Variants in IQSEC3 observed in about 807,000 individuals in gnomAD.
IQSEC3 encodes the protein IQ motif and Sec7 domain ArfGEF 3.
A neutral mutation model predicts 105.4 loss-of-function variants in IQSEC3; 50 were observed. The ratio of observed to expected loss-of-function variants is 0.47; its 90% confidence interval spans 0.38 to 0.60. The LOEUF (loss-of-function observed/expected upper bound fraction) is 0.60. Among genes scored for constraint, IQSEC3 ranks in the 20% least tolerant of loss-of-function variants. The pLI, the probability that IQSEC3 is intolerant of heterozygous loss-of-function variation, is 0.00. For missense variants in IQSEC3, 1,415 were observed against 1,630.0 expected, an observed-to-expected ratio of 0.87 and a Z score of 2.27; for synonymous variants, 708 against 746.0, an observed-to-expected ratio of 0.95 and a Z score of 0.83.
chr12:157,627 C>T lies in IQSEC3; in HGVS notation c.2376C>T (p.Asp792=), dbSNP rs551375240. 211 of 1,614,228 alleles carry T rather than the reference C, an allele frequency of 1.3e-4. 1 individual carries two copies. The South Asian group carries it at 2.2e-3, about 17-fold the overall frequency. The part of the protein sequence containing the change: ...LAFAIILLNT[D]MYSPNIKPDR... ...TCGCCATCATCCTCCTCAACACCGACATGTACAGCCCCAACATCAAGCCTG... is the reference window on the plus strand; with the variant it reads ...TCGCCATCATCCTCCTCAACACCGATATGTACAGCCCCAACATCAAGCCTG... Residue 792 remains aspartate (D), a synonymous_variant, in exon 7 of 14, where the codon GAC becomes GAT. Coordinates refer to ENST00000538872, the MANE Select transcript of IQSEC3 (RefSeq NM_001170738.2).
chr12:107,813 T>A (rs1864730313), intron 2 of IQSEC3, among the ~76,000 whole-genome samples: 1 of 150,620 alleles, frequency 6.6e-6, no homozygotes, highest in African/African-American at 2.5e-5. Flanking sequence ...CCCGTAATTC[T>A]TGAGTATTGC....
chr12:143,867 G>GTGT (rs10677233), intron 5 of IQSEC3: 4 of 150,804 alleles, frequency 2.7e-5, no homozygotes, highest in African/African-American at 1.1e-4. Context: ...GTGTGTGTGT[G>GTGT]AAGAGGCATG....
At chr12:90,162 T>C (rs1864037732) in intron 1 of IQSEC3, among the ~76,000 whole-genome samples, 1 of 152,260 alleles carries the variant, frequency 6.6e-6, no homozygotes, top group African/African-American at 2.4e-5. Flanking sequence ...AATTCCCTAA[T>C]GACTAGTGAT....
At chr12:163,116 C>CA (rs1236180979) in intron 8 of IQSEC3, among the ~76,000 whole-genome samples, 1 of 151,814 alleles carries the variant, frequency 6.6e-6, no homozygotes, top group African/African-American at 2.4e-5. Context: ...GAGTCAAGTC[C>CA]AGGCCCCAGG....
Position 125,648 on chromosome 12 carries a change from C to G in IQSEC3, c.639C>G (p.Thr213=), listed in dbSNP as rs1555083025. ...CTGTTCACAGTGATGGCTCCTGCACCCAGGCCGGTGGGGGCATGGAGGACT... is the reference window on the plus strand; with the variant it reads ...CTGTTCACAGTGATGGCTCCTGCACGCAGGCCGGTGGGGGCATGGAGGACT... ...DLASQSDGSC[T]QAGGGMEDSV... Residue 213 remains threonine, a synonymous_variant, in exon 3 of 14, where the codon ACC becomes ACG. Coordinates refer to ENST00000538872, the MANE Select transcript of IQSEC3 (RefSeq NM_001170738.2). 6.6e-7 allele frequency: 1 copy of G among 1,521,758 alleles called. No individual in the cohort carries two copies. Among genetic ancestry groups the G allele is most frequent in the Non-Finnish European group, 8.7e-7 (1 of 1,146,786 alleles). The allele number at this position is 1,521,758 out of a possible 1,614,324, so 94.3% of individuals were successfully genotyped here.
intron 11 of IQSEC3, among the ~76,000 whole-genome samples, chr12:168,604 G>A (rs879959939): frequency 3.3e-5 from 5 of 152,202 alleles, no homozygotes; most frequent in Admixed American, 3.3e-4. Flanking sequence ...TGTGCTTTAT[G>A]TGTATCTCCC....
chr12:85,370 T>C (rs1555071780), intron 1 of IQSEC3, among the ~76,000 whole-genome samples: 1 of 152,200 alleles, frequency 6.6e-6, no homozygotes, highest in Non-Finnish European at 1.5e-5. Flanking sequence ...CAGAGATCTC[T>C]TGTGAGGGAA....
In IQSEC3 at chr12:175,140, TCAC is replaced by T. The variant is rs1042102399; in HGVS notation, c.*110_*112del. 1.1e-6 allele frequency: 1 copy of T among 884,324 alleles called. No homozygotes were observed. The highest frequency in any genetic ancestry group is 1.7e-5 in the African/African-American group (1 of 59,016). 54.8% of individuals were successfully genotyped at this position (884,324 alleles called of 1,614,324 possible). A position where few individuals can be genotyped will look rare whatever the true frequency, so the allele number is the denominator to read the frequency against. On this transcript the variant is annotated 3_prime_UTR_variant, in exon 14 of 14. Coordinates refer to ENST00000538872, the MANE Select transcript of IQSEC3 (RefSeq NM_001170738.2). ...GGCACGATGCGTTCCTGGTCACTGATCACCATCATTTTGGGAAGAGAATCCCAA... is the reference window on the plus strand; with the variant it reads ...GGCACGATGCGTTCCTGGTCACTGATCATCATTTTGGGAAGAGAATCCCAA...
intron 10 of IQSEC3, 52 bp from the exon 11 acceptor site, chr12:165,677 C>T (rs550725042): frequency 1.2e-6 from 2 of 1,604,054 alleles, no homozygotes; most frequent in African/African-American, 1.3e-5. Context: ...TGGCTCTGGC[C>T]CTCGGCTGCT....
chr12:114,220 A>G (rs1360765905), intron 2 of IQSEC3, among the ~76,000 whole-genome samples: 1 of 152,216 alleles, frequency 6.6e-6, no homozygotes, highest in Non-Finnish European at 1.5e-5. Context: ...AAGGTCTAGA[A>G]ATTCAGATAT....
At chr12:134,495 T>C (rs1555085785) in intron 3 of IQSEC3, among the ~76,000 whole-genome samples, 1 of 152,262 alleles carries the variant, frequency 6.6e-6, no homozygotes, top group Non-Finnish European at 1.5e-5. Flanking sequence ...TCTCAAGCAA[T>C]GGATTTCATA....
Position 125,735 on chromosome 12 carries a change from A to C in IQSEC3, c.726A>C (p.Gln242His). Residue 242 changes from glutamine (Q) to histidine (H), a missense_variant, in exon 3 of 14, where the codon CAA (glutamine) becomes CAC (histidine). By Grantham distance (24) the Gln-to-His change is conservative. Transcript: ENST00000538872. Reference sequence around the variant, plus strand: ...CCAGTGCCCATGCCCCGAAGGCTCAAGCCCAGGAGCTGCAGGAGGAGGAGG... The same window carrying C: ...CCAGTGCCCATGCCCCGAAGGCTCACGCCCAGGAGCTGCAGGAGGAGGAGG... ...GRPSAHAPKAQAQELQEEEER... is the reference protein window; with the variant it reads ...GRPSAHAPKAHAQELQEEEER... 3 of 1,524,530 alleles carry C rather than the reference A, an allele frequency of 2.0e-6. No homozygotes were observed. The highest frequency in any genetic ancestry group is 2.6e-6 in the Non-Finnish European group (3 of 1,144,992). The allele number at this position is 1,524,530 out of a possible 1,614,324, so 94.4% of individuals were successfully genotyped here.
At chr12:114,670 A>G (rs186103523) in intron 2 of IQSEC3, among the ~76,000 whole-genome samples, 6 of 152,386 alleles carry the variant, frequency 3.9e-5, no homozygotes, top group Non-Finnish European at 5.9e-5. Flanking sequence ...ACAGGCTGCC[A>G]CAGTGAAGAC....
intron 2 of IQSEC3, among the ~76,000 whole-genome samples, chr12:120,306 A>T (rs1416291639): frequency 3.9e-5 from 6 of 152,198 alleles, no homozygotes; most frequent in African/African-American, 1.4e-4. Flanking sequence ...GAAGGAAATC[A>T]TAAAGCGGGA....
At chr12:82,490 G>C (rs1361808632) in intron 1 of IQSEC3, among the ~76,000 whole-genome samples, 1 of 152,190 alleles carries the variant, frequency 6.6e-6, no homozygotes, top group African/African-American at 2.4e-5. Flanking sequence ...CTTTAAGATG[G>C]GAGAAGTCAT....
chr12:151,992 C>T (rs137878682), intron 5 of IQSEC3, among the ~76,000 whole-genome samples: 2 of 152,150 alleles, frequency 1.3e-5, no homozygotes, highest in African/African-American at 2.4e-5. Flanking sequence ...CTACATAGAA[C>T]TCATCATGAC....
At position 153,871 on chromosome 12, in the gene IQSEC3, A is replaced by G. The variant is rs185956246; in HGVS notation, c.2154-3154A>G. 1.8e-4 allele frequency among the ~76,000 whole-genome samples: 28 copies of G among 152,292 alleles called. No individual in the cohort carries two copies. The East Asian group carries it at 5.2e-3, about 28-fold the overall frequency. On this transcript the variant is annotated intron_variant, in intron 5 of 13. Coordinates refer to ENST00000538872, the MANE Select transcript of IQSEC3 (RefSeq NM_001170738.2). ...ACTCAGCTCAGTCTTTGGTTTCACAATTTAGGAACAACCGGGAGATCTTGC... is the reference window on the plus strand; with the variant it reads ...ACTCAGCTCAGTCTTTGGTTTCACAGTTTAGGAACAACCGGGAGATCTTGC...
intron 1 of IQSEC3, among the ~76,000 whole-genome samples, chr12:93,614 A>G (rs578061293): frequency 6.6e-6 from 1 of 152,328 alleles, no homozygotes; most frequent in East Asian, 1.9e-4. Context: ...CGGTCTCAGT[A>G]TGGCTCCTTT....
intron 8 of IQSEC3, 56 bp from the exon 9 acceptor site, chr12:163,438 G>C: frequency 6.6e-7 from 1 of 1,524,032 alleles, no homozygotes; most frequent in Non-Finnish European, 8.8e-7. Flanking sequence ...GGGCGCGTGG[G>C]TGGGGAGGCC....
Sources: allele counts gnomAD v4.1 joint callset (sites outside exome capture counted in the v4.1 genomes callset), GRCh38; gene constraint gnomAD v4.1.1; transcripts MANE v1.5; gene names NCBI Gene and HGNC (gene_info 2026-07-23, HGNC 2026-07-21).